The following BCL9 variants were observed in gnomAD, a reference collection of about 807,000 sequenced individuals.
BCL9 encodes the protein BCL9 transcription coactivator.
A neutral mutation model predicts 88.5 loss-of-function variants in BCL9; 25 were observed. The ratio of observed to expected loss-of-function variants is 0.28; its 90% CI spans 0.21 to 0.39. BCL9 has a LOEUF of 0.39. Ranked by LOEUF, BCL9 falls within the 10% of genes least tolerant of loss-of-function variation. BCL9 has a pLI of 1.00. For synonymous variants in BCL9, 711 were observed against 673.3 expected, an observed-to-expected ratio of 1.06 and a Z score of -0.87; for missense variants, 1,817 against 1,877.8, an observed-to-expected ratio of 0.97 and a Z score of 0.60.
chr1:147,614,444 C>A lies in BCL9; in HGVS notation c.388C>A (p.His130Asn). 6.2e-7 allele frequency: 1 copy of A among 1,613,904 alleles called. No homozygotes were observed. The highest frequency in any genetic ancestry group is 8.5e-7 in the Non-Finnish European group (1 of 1,179,876). Residue 130 changes from histidine (H) to asparagine (N), a missense_variant, in exon 6 of 10, where the codon CAC (histidine) becomes AAC (asparagine). By Grantham distance (68) the His-to-Asn change is moderately conservative (BLOSUM62 1). This residue lies in a region of BCL9 where 1,228 missense variants were observed against 1,191.6 expected (regional missense o/e 1.03). Transcript: ENST00000234739. ...TCTTTTAGAATGTAATTCTGCTGAC[C>A]ACATAAAGTCCCAGGATTCCCAGCA... ...SDIKECNSADHIKSQDSQHTP... is the reference protein window; with the variant it reads ...SDIKECNSADNIKSQDSQHTP...
At chr1:147,599,356 G>C (rs1265211851) in intron 1 of BCL9, among the ~76,000 whole-genome samples, 5 of 152,234 alleles carry the variant, frequency 3.3e-5, no homozygotes, top group African/African-American at 1.2e-4. Context: ...TGAGGAGGTG[G>C]CCTTGAAGGT....
Position 147,563,083 on chromosome 1 carries a change from C to A in BCL9, c.-478+21409C>A, listed in dbSNP as rs1250053416. Among the ~76,000 whole-genome samples, 4 of 152,202 alleles carry A rather than the reference C, an allele frequency of 2.6e-5. No homozygotes were observed. In the South Asian group the frequency reaches 8.3e-4, roughly 31 times the overall value. Reference sequence around the variant, plus strand: ...AGAACACTGTGTCCCCAGATCTTCACATGGTTGGCCCCTTTTGTCAGTCAG... The same window carrying A: ...AGAACACTGTGTCCCCAGATCTTCAAATGGTTGGCCCCTTTTGTCAGTCAG... On this transcript the variant is annotated intron_variant, in intron 1 of 9. Coordinates refer to ENST00000234739, the MANE Select transcript of BCL9 (RefSeq NM_004326.4).
intron 1 of BCL9, among the ~76,000 whole-genome samples, chr1:147,543,195 T>C (rs1654410209): frequency 6.6e-6 from 1 of 152,228 alleles, no homozygotes; most frequent in African/African-American, 2.4e-5. Flanking sequence ...TTCCTACACA[T>C]TGATTGTTTA....
At position 147,611,678 on chromosome 1, in the gene BCL9, A is replaced by G; in HGVS notation, c.-159A>G. The G allele has an allele frequency of 1.5e-6, 1 of 649,672 alleles. No homozygotes were observed. Among genetic ancestry groups the G allele is most frequent in the Non-Finnish European group, 2.7e-6 (1 of 364,386 alleles). The allele number at this position is 649,672 out of a possible 1,614,324, so 40.2% of individuals were successfully genotyped here. On this transcript the variant is annotated 5_prime_UTR_variant, in exon 4 of 10. Transcript: ENST00000234739. Reference sequence around the variant, plus strand: ...AAGGACCCACTTCCACAGCAGAGAAAAACAAAGAGGAAAAAGGCATACAGG... The same window carrying G: ...AAGGACCCACTTCCACAGCAGAGAAGAACAAAGAGGAAAAAGGCATACAGG...
intron 2 of BCL9, among the ~76,000 whole-genome samples, chr1:147,605,634 AG>A (rs1296551925): frequency 2.6e-5 from 4 of 152,220 alleles, no homozygotes; most frequent in African/African-American, 9.7e-5. Context: ...GCTTGGACCA[AG>A]GTTTTCTCTA....
At position 147,619,450 on chromosome 1, in the gene BCL9, C is replaced by T. The variant is rs1241072192; in HGVS notation, c.1295C>T (p.Pro432Leu). 6.2e-7 allele frequency: 1 copy of T among 1,614,118 alleles called. No individual in the cohort carries two copies. The highest frequency in any genetic ancestry group is 8.5e-7 in the Non-Finnish European group (1 of 1,180,030). Residue 432 changes from proline to leucine, a missense_variant, in exon 8 of 10, where the codon CCT becomes CTT. Transcript: ENST00000234739. This position sits in a 1 kb window ranked among gnomAD's most constrained non-coding sequence, Gnocchi z 4.1. ...PRTDVGAPFG[P>L]QGHRDVPFSP... ...ACAGACGTGGGAGCTCCATTTGGCCCTCAAGGACATAGAGATGTACCCTTT... is the reference window on the plus strand; with the variant it reads ...ACAGACGTGGGAGCTCCATTTGGCCTTCAAGGACATAGAGATGTACCCTTT...
At chr1:147,589,413 G>C (rs115119992) in intron 1 of BCL9, among the ~76,000 whole-genome samples, 2,674 of 152,216 alleles carry the variant, frequency 0.018, 95 homozygotes, top group African/African-American at 0.062. Flanking sequence ...TAAATTGACA[G>C]TGTTGTGCAA....
intron 6 of BCL9, 28 bp from the exon 7 acceptor site, chr1:147,615,775 G>A (rs1553203716): frequency 6.4e-7 from 1 of 1,570,414 alleles, no homozygotes; most frequent in East Asian, 2.2e-5. Context: ...ACAAGTTCTA[G>A]TGTGTGCTGT....
At chr1:147,555,155 C>G (rs1156556224) in intron 1 of BCL9, among the ~76,000 whole-genome samples, 1 of 151,716 alleles carries the variant, frequency 6.6e-6, no homozygotes, top group Non-Finnish European at 1.5e-5. Context: ...AGATGCAGAC[C>G]CCGAGACATA....
chr1:147,618,766 C>T, intron 7 of BCL9, 50 bp from the exon 8 acceptor site: 3 of 1,431,332 alleles, frequency 2.1e-6, no homozygotes, highest in Non-Finnish European at 2.8e-6. Context: ...CTTTTAATTG[C>T]CCTTCTGTTC....
In BCL9 at chr1:147,625,283, CTG is replaced by C. The variant is rs1474124483; in HGVS notation, c.*326_*327del. The C allele has an allele frequency of 5.1e-5, 16 of 313,512 alleles. No individual in the cohort carries two copies. Among genetic ancestry groups the C allele is most frequent in the African/African-American group, 3.2e-4 (15 of 47,414 alleles). The allele number at this position is 313,512 out of a possible 1,614,324, so 19.4% of individuals were successfully genotyped here. A position where few individuals can be genotyped will look rare whatever the true frequency, so the allele number is the denominator to read the frequency against. On this transcript the variant is annotated 3_prime_UTR_variant, in exon 10 of 10. Transcript: ENST00000234739. ...CATCGGTCATGTGTTGCACCGTTCT[CTG>C]TATGTTTACGTCCTTTGGACTGGCT...
rs185996924 is a variant in BCL9, at chr1:147,557,683, G to A, written c.-478+16009G>A. On this transcript the variant is annotated intron_variant, in intron 1 of 9. Transcript: ENST00000234739. ...ATATTTACCCTACCATAGGAAATGGGATGAGAAAAAATATGTATACATGTA... is the reference window on the plus strand; with the variant it reads ...ATATTTACCCTACCATAGGAAATGGAATGAGAAAAAATATGTATACATGTA... 2.9e-3 allele frequency among the ~76,000 whole-genome samples: 448 copies of A among 152,232 alleles called. 1 individual carries two copies. Among genetic ancestry groups the A allele is most frequent in the Non-Finnish European group, 4.5e-3 (308 of 68,014 alleles).
At chr1:147,603,067 T>G (rs1228098261) in intron 1 of BCL9, among the ~76,000 whole-genome samples, 1 of 152,218 alleles carries the variant, frequency 6.6e-6, no homozygotes, top group Admixed American at 6.5e-5. Context: ...GCTCTGAACA[T>G]CTCTTAGAAT....
At chr1:147,557,345 G>A (rs1451635363) in intron 1 of BCL9, among the ~76,000 whole-genome samples, 1 of 152,174 alleles carries the variant, frequency 6.6e-6, no homozygotes, top group African/African-American at 2.4e-5. Flanking sequence ...TTCAAGGCCA[G>A]CCAGATCAAG....
At chr1:147,550,072 C>T (rs1654816540) in intron 1 of BCL9, among the ~76,000 whole-genome samples, 1 of 152,124 alleles carries the variant, frequency 6.6e-6, no homozygotes, top group Non-Finnish European at 1.5e-5. Flanking sequence ...TCTCAGAATT[C>T]CCTAATTTAG....
intron 1 of BCL9, among the ~76,000 whole-genome samples, chr1:147,598,816 C>G (rs7526407): frequency 6.6e-6 from 1 of 151,962 alleles, no homozygotes; most frequent in East Asian, 1.9e-4. Flanking sequence ...ACAGTGTATT[C>G]TGGGGAGGGT....
intron 1 of BCL9, among the ~76,000 whole-genome samples, chr1:147,546,461 T>A (rs671056): frequency 0.018 from 2,750 of 152,284 alleles, 34 homozygotes; most frequent in East Asian, 0.056. Context: ...ATGACATGTT[T>A]TCTACAAAGT....
At chr1:147,582,398 T>G (rs1346831097) in intron 1 of BCL9, among the ~76,000 whole-genome samples, 1 of 152,184 alleles carries the variant, frequency 6.6e-6, no homozygotes, top group African/African-American at 2.4e-5. Flanking sequence ...GCAAAGAGTA[T>G]GAACATTTAA....
chr1:147,558,960 T>A (rs1236088608), intron 1 of BCL9, among the ~76,000 whole-genome samples: 1 of 152,158 alleles, frequency 6.6e-6, no homozygotes, highest in Non-Finnish European at 1.5e-5. Context: ...CTACTTCATC[T>A]CCTTTACTCT....
Sources: gnomAD v4.1 joint callset for allele counts (sites outside exome capture counted in the v4.1 genomes callset) on GRCh38, gnomAD v4.1.1 for gene constraint, gnomAD v4.1.1 regional missense constraint, Gnocchi (gnomAD v3.1) non-coding constraint, MANE v1.5 for transcripts, NCBI Gene and HGNC (gene_info 2026-07-23, HGNC 2026-07-21) for gene names.